PPP4R4: variants seen among roughly 807,000 people sequenced by gnomAD.
PPP4R4 encodes protein phosphatase 4 regulatory subunit 4, also known as serine/threonine-protein phosphatase 4 regulatory subunit 4.
In PPP4R4, 70 loss-of-function variants were observed where a neutral mutation model predicts 121.8. That is an observed-to-expected ratio of 0.57 (90% CI 0.47 to 0.70). PPP4R4 has a LOEUF of 0.70. Among genes scored for constraint, PPP4R4 ranks in the 30% least tolerant of loss-of-function variants. The pLI is 0.00. For synonymous variants in PPP4R4, 348 were observed against 355.7 expected (o/e 0.98, Z 0.24); for missense variants, 875 against 1,033.6 (o/e 0.85, Z 2.10).
intron 3 of PPP4R4, chr14:94,227,606 A>C: frequency 7.9e-7 from 1 of 1,259,734 alleles, no homozygotes; most frequent in Non-Finnish European, 1.0e-6. Flanking sequence ...GCGGGAGTCA[A>C]GACTAAGTAA....
At chr14:94,262,730 A>T (rs982017822) in intron 19 of PPP4R4, among the ~76,000 whole-genome samples, 1 of 152,072 alleles carries the variant, frequency 6.6e-6, no homozygotes, top group African/African-American at 2.4e-5. Flanking sequence ...ATTGCTTAAG[A>T]TCTAAATTTC....
intron 3 of PPP4R4, among the ~76,000 whole-genome samples, chr14:94,213,456 C>G (rs1890851067): frequency 1.3e-5 from 2 of 152,106 alleles, no homozygotes; most frequent in Non-Finnish European, 2.9e-5. Flanking sequence ...GAATCATGCT[C>G]CTTCCCAAAA....
chr14:94,251,665 T>A, intron 15 of PPP4R4, 84 bp from the exon 16 acceptor site: 1 of 1,107,356 alleles, frequency 9.0e-7, no homozygotes, highest in Admixed American at 2.8e-5. Flanking sequence ...AAGAAACTTC[T>A]TATGCATTTT....
rs576390630 is a variant in PPP4R4, at chr14:94,194,197, A to T, written c.192-14267A>T. 2.0e-5 allele frequency among the ~76,000 whole-genome samples: 3 copies of T among 152,342 alleles called. No individual in the cohort carries two copies. In the East Asian group the frequency reaches 5.8e-4, roughly 29 times the overall value. On this transcript the variant is annotated intron_variant, in intron 2 of 24. Transcript: ENST00000304338. Reference sequence around the variant, plus strand: ...TAGGTGTCCTAAATTCATTTATTTAACTAGTCTTGTTTTTTTCAGCTTTCC... The same window carrying T: ...TAGGTGTCCTAAATTCATTTATTTATCTAGTCTTGTTTTTTTCAGCTTTCC...
At chr14:94,262,940 G>C (rs144715883) in intron 19 of PPP4R4, among the ~76,000 whole-genome samples, 33 of 152,100 alleles carry the variant, frequency 2.2e-4, no homozygotes, top group African/African-American at 7.7e-4. Context: ...ATGTGTTTCT[G>C]TCTGTCTTCT....
At chr14:94,227,379 G>C (rs1221236892) in intron 3 of PPP4R4, 1 of 1,609,712 alleles carries the variant, frequency 6.2e-7, no homozygotes, top group Non-Finnish European at 8.5e-7. Flanking sequence ...ACACTTACTG[G>C]TAAGTATTGA....
intron 14 of PPP4R4, among the ~76,000 whole-genome samples, chr14:94,249,126 A>G (rs1266134465): frequency 6.6e-6 from 1 of 152,058 alleles, no homozygotes; most frequent in Non-Finnish European, 1.5e-5. Context: ...TATGACTGTT[A>G]TATATGTATT....
At chr14:94,196,683 A>G (rs1226312233) in intron 2 of PPP4R4, among the ~76,000 whole-genome samples, 1 of 151,912 alleles carries the variant, frequency 6.6e-6, no homozygotes, top group Non-Finnish European at 1.5e-5. Flanking sequence ...TATTGTGTTT[A>G]TTCATCTTTT....
intron 2 of PPP4R4, among the ~76,000 whole-genome samples, chr14:94,206,639 A>C (rs1243781171): frequency 6.6e-6 from 1 of 151,894 alleles, no homozygotes; most frequent in Non-Finnish European, 1.5e-5. Context: ...TTCACTGAAC[A>C]TTCAATATTT....
At chr14:94,230,921 T>G (rs1031653336) in intron 4 of PPP4R4, among the ~76,000 whole-genome samples, 187 bp downstream of exon 4, 1 of 152,220 alleles carries the variant, frequency 6.6e-6, no homozygotes, top group Admixed American at 6.5e-5. Context: ...TTAATATCCT[T>G]GAAAGCTGAA....
chr14:94,236,367 T>A (rs751119236), intron 7 of PPP4R4, among the ~76,000 whole-genome samples: 1 of 152,230 alleles, frequency 6.6e-6, no homozygotes, highest in African/African-American at 2.4e-5. Context: ...TCAGTAGGTA[T>A]ACAAATATAT....
At chr14:94,273,825 C>T (rs1189454712) in intron 23 of PPP4R4, among the ~76,000 whole-genome samples, 4 of 151,928 alleles carry the variant, frequency 2.6e-5, no homozygotes, top group Non-Finnish European at 4.4e-5. Context: ...ATTAAAGAAA[C>T]AAAAACAAAA....
At position 94,256,389 on chromosome 14, in the gene PPP4R4, G is replaced by A. The variant is rs1595532231; in HGVS notation, c.1866-71G>A. 12 of 1,313,224 alleles carry A rather than the reference G, an allele frequency of 9.1e-6. No homozygotes were observed. The East Asian group carries it at 2.6e-4, about 29-fold the overall frequency. 81.3% of individuals were successfully genotyped at this position (1,313,224 alleles called of 1,614,324 possible). On this transcript the variant is annotated intron_variant, in intron 16 of 24. Coordinates refer to ENST00000304338, the MANE Select transcript of PPP4R4 (RefSeq NM_058237.2). ...TGAACTCTCAGGCTATCTAAAACTT[G>A]ATTTTTGTTTTATGTTTCTGTTATT...
Position 94,264,824 on chromosome 14 carries a change from T to G in PPP4R4, c.2128-54T>G, listed in dbSNP as rs1453998030. ...CTAATGCTTAATTTCTCAGAACAAT[T>G]TTCTAGACCTACTTCAGTTGTACCT... On this transcript the variant is annotated intron_variant, in intron 19 of 24. Coordinates refer to ENST00000304338, the MANE Select transcript of PPP4R4 (RefSeq NM_058237.2). 5 of 1,344,214 alleles carry G rather than the reference T, an allele frequency of 3.7e-6. No homozygotes were observed. In the African/African-American group the frequency reaches 7.4e-5, roughly 20 times the overall value. The allele number at this position is 1,344,214 out of a possible 1,614,324, so 83.3% of individuals were successfully genotyped here. A position where few individuals can be genotyped will look rare whatever the true frequency, so the allele number is the denominator to read the frequency against.
intron 3 of PPP4R4, among the ~76,000 whole-genome samples, chr14:94,229,916 T>G (rs1891921970): frequency 6.6e-6 from 1 of 152,212 alleles, no homozygotes; most frequent in South Asian, 2.1e-4. Flanking sequence ...AAGATAGTTT[T>G]TTTGACCCTT....
chr14:94,209,236 G>A (rs1026524716), intron 3 of PPP4R4, among the ~76,000 whole-genome samples: 1 of 151,998 alleles, frequency 6.6e-6, no homozygotes, highest in Non-Finnish European at 1.5e-5. Flanking sequence ...ACAGACACCA[G>A]TGTGTGTGTC....
At chr14:94,203,510 G>A (rs138528263) in intron 2 of PPP4R4, among the ~76,000 whole-genome samples, 51 of 152,156 alleles carry the variant, frequency 3.4e-4, no homozygotes, top group Non-Finnish European at 7.4e-4. Context: ...AAATAAAGGT[G>A]TTATAAACAT....
At position 94,240,708 on chromosome 14, in the gene PPP4R4, T is replaced by A; in HGVS notation, c.889T>A (p.Ser297Thr). Residue 297 changes from serine to threonine, a missense_variant, in exon 9 of 25, where the codon TCA becomes ACA. Ser to Thr is a moderately conservative substitution (Grantham distance 58, BLOSUM62 1). Transcript: ENST00000304338. ...RSQTILPLVK[S>T]FCEKSFKADE... ...TCAAACTATACTTCCCTTAGTGAAA[T>A]CATTTTGTGAAAAATCTTTCAAAGC... 6.2e-7 allele frequency: 1 copy of A among 1,605,046 alleles called. No individual in the cohort carries two copies. Among genetic ancestry groups the A allele is most frequent in the Non-Finnish European group, 8.5e-7 (1 of 1,177,262 alleles).
rs574586953 is a variant in PPP4R4, at chr14:94,246,641, T to C, written c.1611+102T>C. 167 of 1,291,766 alleles carry C rather than the reference T, an allele frequency of 1.3e-4. 5 individuals are homozygous for C. The South Asian group carries it at 2.3e-3, about 18-fold the overall frequency. The allele number at this position is 1,291,766 out of a possible 1,614,324, so 80.0% of individuals were successfully genotyped here. ...AAAATAGTAGAACAAACTCAGTTCA[T>C]TCCATTCTACCTAGGAGGATGTCAG... On this transcript the variant is annotated intron_variant, in intron 14 of 24. Transcript: ENST00000304338.
Sources: gnomAD v4.1 joint callset for allele counts (sites outside exome capture counted in the v4.1 genomes callset) on GRCh38, gnomAD v4.1.1 for gene constraint, MANE v1.5 for transcripts, NCBI Gene and HGNC (gene_info 2026-07-23, HGNC 2026-07-21) for gene names.